TENM2: variants seen among roughly 807,000 people sequenced by gnomAD.
TENM2 encodes the protein teneurin-2.
In TENM2, 52 loss-of-function variants were observed where a neutral mutation model predicts 245.2. The ratio of observed to expected loss-of-function variants is 0.21; its 90% confidence interval spans 0.17 to 0.27. The LOEUF is 0.27. Ranked by LOEUF, TENM2 falls within the 10% of genes least tolerant of loss-of-function variation. The probability of loss-of-function intolerance (pLI) is 1.00; values close to 1 mark genes in which losing one functional copy is unlikely to be tolerated. For missense variants in TENM2, 3,046 were observed against 3,666.8 expected, an observed-to-expected ratio of 0.83 and a Z score of 4.37; for synonymous variants, 1,363 against 1,438.9, an observed-to-expected ratio of 0.95 and a Z score of 1.19.
intron 5 of TENM2, among the ~76,000 whole-genome samples, chr5:168,032,519 C>T (rs879609548): frequency 2.0e-5 from 3 of 152,130 alleles, no homozygotes; most frequent in Admixed American, 6.5e-5. Context: ...AGCTTTGAGA[C>T]TCTGTTAGTA....
chr5:168,115,284 C>G (rs1177699544), intron 9 of TENM2, among the ~76,000 whole-genome samples: 2 of 138,616 alleles, frequency 1.4e-5, no homozygotes, highest in African/African-American at 5.4e-5. Flanking sequence ...CAGAGCAAGG[C>G]TCTGTCTCAA....
At chr5:167,546,194 C>T (rs1224675861) in intron 2 of TENM2, among the ~76,000 whole-genome samples, 1 of 152,188 alleles carries the variant, frequency 6.6e-6, no homozygotes, top group African/African-American at 2.4e-5. Context: ...ACTTAGCTGC[C>T]ATGCTGCGTG....
chr5:166,982,945 A>C, the TENM2 span, among the ~76,000 whole-genome samples: 1 of 152,140 alleles, frequency 6.6e-6, no homozygotes, highest in East Asian at 1.9e-4. Context: ...TGCTGAGAGC[A>C]AATAGCAGTT....
chr5:167,128,569 C>T, the TENM2 span, among the ~76,000 whole-genome samples: 1 of 150,330 alleles, frequency 6.7e-6, no homozygotes, highest in Non-Finnish European at 1.5e-5. Context: ...AAAAAAAAAG[C>T]CCCTGTTCCC....
At chr5:167,813,073 A>G (rs1766758266) in intron 2 of TENM2, among the ~76,000 whole-genome samples, 1 of 152,190 alleles carries the variant, frequency 6.6e-6, no homozygotes, top group African/African-American at 2.4e-5. Flanking sequence ...CAGCTGCTGG[A>G]AATACAAAGG....
intron 15 of TENM2, 119 bp downstream of exon 17, chr5:168,195,414 C>T (rs1332986151): frequency 1.7e-6 from 2 of 1,172,726 alleles, no homozygotes; most frequent in Admixed American, 2.5e-5. Context: ...GTCCACCAGG[C>T]CTGTCCCCTA....
chr5:167,953,246 C>T, intron 4 of TENM2: 1 of 205,958 alleles, frequency 4.9e-6, no homozygotes. Context: ...ATCCCTGATT[C>T]CAAACTGACA....
chr5:168,105,815 T>A (rs541660875), intron 9 of TENM2, among the ~76,000 whole-genome samples: 104 of 152,364 alleles, frequency 6.8e-4, no homozygotes, highest in African/African-American at 2.4e-3. Context: ...GGTTTTTTGT[T>A]ATTACTATTT....
At chr5:167,022,441 G>T in the TENM2 span, among the ~76,000 whole-genome samples, 1 of 152,112 alleles carries the variant, frequency 6.6e-6, no homozygotes, top group Admixed American at 6.5e-5. Flanking sequence ...AACTTTTTAC[G>T]TAAATATATC....
chr5:167,205,880 T>C, the TENM2 span, among the ~76,000 whole-genome samples: 1 of 152,204 alleles, frequency 6.6e-6, no homozygotes, highest in Admixed American at 6.5e-5. Context: ...TAAGTTTCTA[T>C]TTCCTTGACA....
chr5:168,004,636 T>G (rs2152056198), intron 5 of TENM2, among the ~76,000 whole-genome samples: 1 of 152,304 alleles, frequency 6.6e-6, no homozygotes, highest in South Asian at 2.1e-4. Context: ...ATAAAGTATC[T>G]GGACGGATGG....
At chr5:167,240,250 TAG>T in the TENM2 span, among the ~76,000 whole-genome samples, 1 of 151,826 alleles carries the variant, frequency 6.6e-6, no homozygotes, top group Admixed American at 6.6e-5. Flanking sequence ...GTGACTTTGG[TAG>T]GTGGCCTTTT....
intron 2 of TENM2, among the ~76,000 whole-genome samples, chr5:167,853,024 C>G (rs1243817055): frequency 1.3e-5 from 2 of 149,566 alleles, no homozygotes; most frequent in Non-Finnish European, 3.0e-5. Context: ...CGGTGGCTCA[C>G]TCCTGTAATC....
intron 2 of TENM2, among the ~76,000 whole-genome samples, chr5:167,667,748 G>C (rs931908583): frequency 6.6e-6 from 1 of 152,184 alleles, no homozygotes. Context: ...GCTGATAAGA[G>C]GGCTTCTTGC....
chr5:167,235,109 T>G, the TENM2 span, among the ~76,000 whole-genome samples: 1 of 152,210 alleles, frequency 6.6e-6, no homozygotes, highest in Non-Finnish European at 1.5e-5. Flanking sequence ...CAGGGTTGGT[T>G]TCTTCTGAGG....
At chr5:167,572,490 G>A (rs1346707900) in intron 2 of TENM2, among the ~76,000 whole-genome samples, 1 of 152,198 alleles carries the variant, frequency 6.6e-6, no homozygotes, top group Non-Finnish European at 1.5e-5. Context: ...GAGATGGCCA[G>A]TCAAAAGCTT....
intron 2 of TENM2, among the ~76,000 whole-genome samples, chr5:167,452,051 C>A (rs747863828): frequency 1.3e-5 from 2 of 152,068 alleles, no homozygotes; most frequent in African/African-American, 2.4e-5. Flanking sequence ...TATATCAGAG[C>A]ATAAAACATT....
At position 168,246,817 on chromosome 5, in the gene TENM2, C is replaced by T. The variant is rs543591480; in HGVS notation, c.5878C>T (p.Arg1960Cys). ...TATATTTGAGTATGACTCCTCTGAC[C>T]GCCTCCTTGCCGTCACCATGCCCAG... The change falls in exon 27 of 29, where the codon CGC becomes TGC. Residue 1960 changes from arginine (R) to cysteine (C), a missense_variant. Around this residue, in one of 2 missense-constraint regions of TENM2, gnomAD observed 2,704 missense variants for 3,331.9 expected, o/e 0.81. Transcript: ENST00000518659. 137 of 1,613,924 alleles carry T rather than the reference C, an allele frequency of 8.5e-5. No homozygotes were observed. Among genetic ancestry groups the T allele is most frequent in the South Asian group, 4.2e-4 (38 of 91,076 alleles).
chr5:168,054,394 C>T (rs1172227054), intron 6 of TENM2, among the ~76,000 whole-genome samples: 1 of 152,206 alleles, frequency 6.6e-6, no homozygotes, highest in Non-Finnish European at 1.5e-5. Context: ...TAAACAGAAC[C>T]CTCAGATGGT....
Sources: allele counts gnomAD v4.1 joint callset (sites outside exome capture counted in the v4.1 genomes callset), GRCh38; gene constraint gnomAD v4.1.1; regional missense constraint gnomAD v4.1.1; transcripts MANE v1.5; gene names NCBI Gene and HGNC (gene_info 2026-07-23, HGNC 2026-07-21).